THAP4: variants seen among roughly 807,000 people sequenced by gnomAD.
The protein encoded by THAP4 is THAP domain containing 4.
THAP4 carries 18 observed loss-of-function variants against 48.1 expected under a neutral mutation model. The ratio of observed to expected loss-of-function variants is 0.37; its 90% CI spans 0.26 to 0.56. The LOEUF is 0.56. Ranked by LOEUF, THAP4 falls within the 20% of genes least tolerant of loss-of-function variation. The pLI, the probability that THAP4 is intolerant of heterozygous loss-of-function variation, is 0.78. For missense variants in THAP4, 656 were observed against 774.9 expected, an observed-to-expected ratio of 0.85 and a Z score of 1.82; for synonymous variants, 345 against 324.9, an observed-to-expected ratio of 1.06 and a Z score of -0.66.
At chr2:241,607,324 C>A (rs891936844) in intron 2 of THAP4, among the ~76,000 whole-genome samples, 2 of 151,968 alleles carry the variant, frequency 1.3e-5, no homozygotes, top group Admixed American at 6.5e-5. Context: ...TGCTCCCGAG[C>A]GGCTTTTCAG....
chr2:241,605,049 T>C, intron 3 of THAP4, among the ~76,000 whole-genome samples: 1 of 152,212 alleles, frequency 6.6e-6, no homozygotes, highest in Admixed American at 6.5e-5. Context: ...GTCACAAAAT[T>C]GACTTTCTGA....
chr2:241,633,597 T>G lies in THAP4; in HGVS notation c.560A>C (p.Gln187Pro). The change falls in exon 2 of 6, where the codon CAG (glutamine) becomes CCG (proline). Residue 187 changes from glutamine to proline, a missense_variant. Physicochemically the swap from Gln to Pro is moderately conservative, Grantham distance 76. Around this residue, in one of 4 missense-constraint regions of THAP4, gnomAD observed 391 missense variants for 412.4 expected, o/e 0.95. Transcript: ENST00000407315. This position sits in a 1 kb window ranked among gnomAD's most constrained non-coding sequence, Gnocchi z 7.5. ...TGTGGCAGACGCTTCTGCTTTTCCC[T>G]GACTGCCTGCCACCATGGTGGCCAG... ...DGLATMVAGS[Q>P]GKAEASATDA... 6.2e-7 allele frequency: 1 copy of G among 1,613,460 alleles called. No individual in the cohort carries two copies. Among genetic ancestry groups the G allele is most frequent in the Non-Finnish European group, 8.5e-7 (1 of 1,179,910 alleles).
chr2:241,634,352 G>A (rs2067610640), intron 1 of THAP4, among the ~76,000 whole-genome samples: 1 of 152,224 alleles, frequency 6.6e-6, no homozygotes, highest in Non-Finnish European at 1.5e-5. Flanking sequence ...CCAGGCTGTG[G>A]TAAATGCCCA....
intron 2 of THAP4, among the ~76,000 whole-genome samples, chr2:241,613,690 G>A (rs2067305346): frequency 6.6e-6 from 1 of 152,104 alleles, no homozygotes; most frequent in Non-Finnish European, 1.5e-5. Flanking sequence ...GGGAGGCAGA[G>A]ATCGCAATGA....
intron 5 of THAP4, among the ~76,000 whole-genome samples, chr2:241,592,585 C>T (rs1375580536): frequency 6.6e-6 from 1 of 152,202 alleles, no homozygotes; most frequent in Non-Finnish European, 1.5e-5. Context: ...CCACCAACAC[C>T]CACACAAACA....
intron 5 of THAP4, among the ~76,000 whole-genome samples, chr2:241,591,161 A>G: frequency 6.6e-6 from 1 of 150,784 alleles, no homozygotes; most frequent in African/African-American, 2.5e-5. Flanking sequence ...GCTGACGATG[A>G]TGGGCACTAG....
At chr2:241,620,664 C>G (rs1396522836) in intron 2 of THAP4, among the ~76,000 whole-genome samples, 1 of 151,300 alleles carries the variant, frequency 6.6e-6, no homozygotes, top group African/African-American at 2.4e-5. Context: ...GAGTCGGTGA[C>G]TGAGGCAGTG....
intron 2 of THAP4, among the ~76,000 whole-genome samples, chr2:241,611,724 CAAAAAAAAA>C (rs556777493): frequency 5.1e-5 from 5 of 97,702 alleles, no homozygotes; most frequent in African/African-American, 1.9e-4. Context: ...ACTCTGTCTC[CAAAAAAAAA>C]AAAAAAAAAA....
chr2:241,607,902 C>A (rs1364142275), intron 2 of THAP4, among the ~76,000 whole-genome samples: 1 of 100,064 alleles, frequency 1.0e-5, no homozygotes, highest in African/African-American at 4.1e-5. Context: ...CAGAAGACAG[C>A]TGACGGGGAC....
At chr2:241,629,965 A>G (rs2067536950) in intron 2 of THAP4, among the ~76,000 whole-genome samples, 1 of 152,124 alleles carries the variant, frequency 6.6e-6, no homozygotes, top group Non-Finnish European at 1.5e-5. Flanking sequence ...AGGAGTGGTG[A>G]GGATACATTC....
chr2:241,612,150 A>G lies in THAP4; in HGVS notation c.1241-5677T>C, dbSNP rs2067285093. 6.6e-6 allele frequency among the ~76,000 whole-genome samples: 1 copy of G among 152,196 alleles called. No homozygotes were observed. Among genetic ancestry groups the G allele is most frequent in the South Asian group, 2.1e-4 (1 of 4,828 alleles). On this transcript the variant is annotated intron_variant, in intron 2 of 5. Coordinates refer to ENST00000407315, the MANE Select transcript of THAP4 (RefSeq NM_015963.6). The surrounding 1 kb of genome is among the most constrained non-coding windows in gnomAD (Gnocchi z 4.1). ...TGACCTGGCAGAAGTCGAGAAAGTA[A>G]AAGAAAAAAAATCAAGCCACCACCC...
chr2:241,595,880 C>T (rs1475237105), intron 5 of THAP4, among the ~76,000 whole-genome samples: 2 of 152,196 alleles, frequency 1.3e-5, no homozygotes, highest in Admixed American at 1.3e-4. Context: ...CCCGGAACGA[C>T]CCTGGGCACT....
At chr2:241,600,711 G>A (rs1251765236) in intron 5 of THAP4, among the ~76,000 whole-genome samples, 1 of 139,608 alleles carries the variant, frequency 7.2e-6, no homozygotes, top group Non-Finnish European at 1.5e-5. Flanking sequence ...CTGGGTGACA[G>A]AGTGAGACTC....
intron 2 of THAP4, among the ~76,000 whole-genome samples, chr2:241,631,247 C>T (rs1235842975): frequency 1.3e-5 from 2 of 152,076 alleles, no homozygotes; most frequent in African/African-American, 4.8e-5. Context: ...CCTGAGGATC[C>T]AGGAGGTCCT....
chr2:241,603,751 A>C (rs1449303379), intron 3 of THAP4, among the ~76,000 whole-genome samples: 1 of 152,228 alleles, frequency 6.6e-6, no homozygotes, highest in African/African-American at 2.4e-5. Context: ...AAAACAGAAC[A>C]GGTGCTGAGT....
chr2:241,629,275 GCCCAGGCAACATAGTAAGACC>G (rs1195941484), intron 2 of THAP4, among the ~76,000 whole-genome samples: 10 of 152,018 alleles, frequency 6.6e-5, no homozygotes, highest in African/African-American at 2.2e-4. Flanking sequence ...TTCAAGACCA[GCCCAGGCAACATAGTAAGACC>G]CTATTGCTAC....
upstream of THAP4, chr2:241,637,525 G>A (rs1248792260): frequency 2.8e-6 from 4 of 1,440,692 alleles, no homozygotes; most frequent in East Asian, 5.8e-5. Flanking sequence ...CCCGCAGGGC[G>A]CCCCGGGGCT....
At chr2:241,607,339 C>T (rs536463033) in intron 2 of THAP4, among the ~76,000 whole-genome samples, 2 of 152,094 alleles carry the variant, frequency 1.3e-5, no homozygotes, top group South Asian at 4.1e-4. Context: ...TTTCAGGATT[C>T]ACTCACATGA....
At chr2:241,592,826 C>T (rs1051892722) in intron 5 of THAP4, among the ~76,000 whole-genome samples, 11 of 152,238 alleles carry the variant, frequency 7.2e-5, no homozygotes, top group African/African-American at 2.7e-4. Context: ...ATGCCCCAAA[C>T]AGCAGTCAGC....
Sources: gnomAD v4.1 joint callset for allele counts (sites outside exome capture counted in the v4.1 genomes callset) on GRCh38, gnomAD v4.1.1 for gene constraint, gnomAD v4.1.1 regional missense constraint, Gnocchi (gnomAD v3.1) non-coding constraint, MANE v1.5 for transcripts, NCBI Gene and HGNC (gene_info 2026-07-23, HGNC 2026-07-21) for gene names.